The following OR10H1 variants were observed in gnomAD, a reference collection of about 807,000 sequenced individuals.
OR10H1 encodes olfactory receptor 10H1.
A neutral mutation model predicts 13.1 loss-of-function variants in OR10H1; 12 were observed. The observed-to-expected ratio is 0.92, with a 90% CI of 0.59 to 1.48. The LOEUF is 1.48. Ranked by LOEUF, OR10H1 falls within the 40% of genes most tolerant of loss-of-function variation. The probability of loss-of-function intolerance (pLI) is 0.00; values close to 1 mark genes in which losing one functional copy is unlikely to be tolerated. For synonymous variants in OR10H1, 168 were observed against 175.6 expected (o/e 0.96, Z 0.34); for missense variants, 363 against 413.1 (o/e 0.88, Z 1.05).
In OR10H1 at chr19:15,807,556, G is replaced by A. The variant is rs1033697254; in HGVS notation, c.482C>T (p.Ser161Leu). The A allele has an allele frequency of 2.5e-6, 4 of 1,614,200 alleles. No homozygotes were observed. Among genetic ancestry groups the A allele is most frequent in the East Asian group, 2.2e-5 (1 of 44,878 alleles). The change falls in exon 4 of 4, where the codon TCG becomes TTG. Residue 161 changes from serine to leucine, a missense_variant. Around this residue, in one of 3 missense-constraint regions of OR10H1, gnomAD observed 318 missense variants for 366.6 expected, o/e 0.87. Coordinates refer to ENST00000641419, the MANE Select transcript of OR10H1 (RefSeq NM_013940.4). ...GGLVMGMVVT[S>L]AIFHLAFCGH... The stretch of plus-strand genomic sequence containing the variant: ...ACAGAAGGCGAGGTGGAAAATGGCC[G>A]AGGTCACCACCATCCCCATGACCAA...
rs13382099 is a variant in OR10H1, at chr19:15,806,885, C to T, written c.*196G>A. ...AGGGTTACAGGCATGTGCCAACATG[C>T]CTGGCTAATTTTTGTATTTTTAGTA... On this transcript the variant is annotated 3_prime_UTR_variant, in exon 4 of 4. Transcript: ENST00000641419. 1.7e-3 allele frequency: 935 copies of T among 560,996 alleles called. 4 individuals carry two copies. The highest frequency in any genetic ancestry group is 0.016 in the African/African-American group (846 of 53,076). 34.8% of individuals were successfully genotyped at this position (560,996 alleles called of 1,614,324 possible).
At chr19:15,808,428 C>G (rs137874793) in intron 3 of OR10H1, among the ~76,000 whole-genome samples, 166 of 152,280 alleles carry the variant, frequency 1.1e-3, no homozygotes, top group African/African-American at 3.7e-3. Context: ...TGGTTCACAT[C>G]TGTAATCCCA....
rs1313655798 is a variant in OR10H1 at position 15,807,707 on chromosome 19, G to A, written c.331C>T (p.His111Tyr). ...MFFSFSFGFT[H>Y]SFLLTVMGYD... ...CCCATGACGGTGAGCAGGAAGGAGT[G>A]GGTGAAGCCGAAGCTGAAGGAGAAG... Residue 111 changes from histidine (H) to tyrosine (Y), a missense_variant, in exon 4 of 4, where the codon CAC becomes TAC. Physicochemically the swap from His to Tyr is moderately conservative, Grantham distance 83. Coordinates refer to ENST00000641419, the MANE Select transcript of OR10H1 (RefSeq NM_013940.4). 6.2e-7 allele frequency: 1 copy of A among 1,613,840 alleles called. No homozygotes were observed. Among genetic ancestry groups the A allele is most frequent in the African/African-American group, 1.3e-5 (1 of 74,920 alleles).
In OR10H1 at chr19:15,806,288, C is replaced by T. The variant is rs1461550162; in HGVS notation, c.*793G>A. ...TGTTAGTATCTCACACACACTTCCACTCCAAATACATCCCTGATGCTGATT... is the reference window on the plus strand; with the variant it reads ...TGTTAGTATCTCACACACACTTCCATTCCAAATACATCCCTGATGCTGATT... On this transcript the variant is annotated 3_prime_UTR_variant, in exon 4 of 4. Transcript: ENST00000641419. 2 of 152,218 alleles carry T rather than the reference C, an allele frequency of 1.3e-5. No individual in the cohort carries two copies. The highest frequency in any genetic ancestry group is 4.8e-5 in the African/African-American group (2 of 41,438). The allele number at this position is 152,218 out of a possible 1,614,324, so 9.4% of individuals were successfully genotyped here. A position where few individuals can be genotyped will look rare whatever the true frequency, so the allele number is the denominator to read the frequency against.
intron 2 of OR10H1, among the ~76,000 whole-genome samples, chr19:15,809,908 T>C (rs994972788): frequency 1.3e-5 from 2 of 152,050 alleles, no homozygotes; most frequent in African/African-American, 4.8e-5. Flanking sequence ...CTTCGGCTCC[T>C]GGGCTTAAGC....
chr19:15,813,516 CAGAG>C (rs146495989), intron 1 of OR10H1, among the ~76,000 whole-genome samples: 2 of 119,410 alleles, frequency 1.7e-5, no homozygotes, highest in Admixed American at 1.6e-4. Flanking sequence ...GAGGGAGAAA[CAGAG>C]AGAGAGAGGT....
chr19:15,813,771 G>A (rs188382622), intron 1 of OR10H1, among the ~76,000 whole-genome samples: 2 of 149,426 alleles, frequency 1.3e-5, no homozygotes, highest in African/African-American at 4.9e-5. Context: ...GAGGTGGGGA[G>A]AGAGAGGGTT....
In OR10H1 at chr19:15,807,972, G is replaced by T. The variant is rs2088912592; in HGVS notation, c.66C>A (p.His22Gln). The T allele has an allele frequency of 6.2e-7, 1 of 1,614,076 alleles. No homozygotes were observed. The highest frequency in any genetic ancestry group is 8.5e-7 in the Non-Finnish European group (1 of 1,180,030). The change falls in exon 4 of 4, where the codon CAC (histidine) becomes CAA (glutamine). Residue 22 changes from histidine to glutamine, a missense_variant. By Grantham distance (24) the His-to-Gln change is conservative. Around this residue, in one of 3 missense-constraint regions of OR10H1, gnomAD observed 318 missense variants for 366.6 expected, o/e 0.87. Coordinates refer to ENST00000641419, the MANE Select transcript of OR10H1 (RefSeq NM_013940.4). ...FILVGFSVFP[H>Q]LQLMLFLLFL... ...ACAGCAGGAAGAGCATCAGCTGGAG[G>T]TGGGGGAAGACAGAGAAGCCGACGA...
rs773212028 is a variant in OR10H1 at position 15,807,302 on chromosome 19, G to A, written c.736C>T (p.Leu246Phe). ...NKAFSTCASHLTVVVVHYGFA... is the reference protein window; with the variant it reads ...NKAFSTCASHFTVVVVHYGFA... ...CCATAGTGCACGACCACCACAGTGAGGTGAGAGGCACAGGTGGAGAAGGCC... is the reference window on the plus strand; with the variant it reads ...CCATAGTGCACGACCACCACAGTGAAGTGAGAGGCACAGGTGGAGAAGGCC... The change falls in exon 4 of 4, where the codon CTC (leucine) becomes TTC (phenylalanine). Residue 246 changes from leucine to phenylalanine, a missense_variant. Physicochemically the swap from Leu to Phe is conservative, Grantham distance 22. Coordinates refer to ENST00000641419, the MANE Select transcript of OR10H1 (RefSeq NM_013940.4). 21 of 1,614,032 alleles carry A rather than the reference G, an allele frequency of 1.3e-5. No individual in the cohort carries two copies. In the Middle Eastern group the frequency reaches 4.9e-4, roughly 38 times the overall value.
At position 15,807,430 on chromosome 19, in the gene OR10H1, A is replaced by G. The variant is rs1305599767; in HGVS notation, c.608T>C (p.Val203Ala). 1.2e-6 allele frequency: 2 copies of G among 1,614,214 alleles called. No individual in the cohort carries two copies. The highest frequency in any genetic ancestry group is 1.7e-6 in the Non-Finnish European group (2 of 1,180,046). ...VLVVAKGVGL[V>A]CITALLGCFL... ...ACAGCCCAGCAGGGCCGTGATACAC[A>G]CCAAGCCCACGCCTTTGGCCACCAC... is the stretch of plus-strand genomic sequence containing the variant. The change falls in exon 4 of 4, where the codon GTG (valine) becomes GCG (alanine). Residue 203 changes from valine to alanine, a missense_variant. Physicochemically the swap from Val to Ala is moderately conservative, Grantham distance 64. Transcript: ENST00000641419.
At position 15,806,455 on chromosome 19, in the gene OR10H1, G is replaced by T. The variant is rs1199573759; in HGVS notation, c.*626C>A. On this transcript the variant is annotated 3_prime_UTR_variant, in exon 4 of 4. Transcript: ENST00000641419. ...GGGTCTCACTCTGTCATCCATGCTA[G>T]ACTGCAGTGGCACAGTCATAGTTCA... 2 of 153,118 alleles carry T rather than the reference G, an allele frequency of 1.3e-5. No individual in the cohort carries two copies. The highest frequency in any genetic ancestry group is 4.8e-5 in the African/African-American group (2 of 41,454). 9.5% of individuals were successfully genotyped at this position (153,118 alleles called of 1,614,324 possible).
chr19:15,807,093 A>AT lies in OR10H1; in HGVS notation c.944dup (p.Asn315LysfsTer22), dbSNP rs2091718084. ...CAGTGAATTTCTCCTACATCATTACATTTTTTTCTGGGTAGAGTTTACTGA... is the reference window on the plus strand; with the variant it reads ...CAGTGAATTTCTCCTACATCATTACATTTTTTTTCTGGGTAGAGTTTACTGA... On this transcript the variant is annotated frameshift_variant, in exon 4 of 4. Transcript: ENST00000641419. LOFTEE classifies it high-confidence loss of function. The AT allele has an allele frequency of 2.5e-6, 4 of 1,609,792 alleles. No homozygotes were observed. The highest frequency in any genetic ancestry group is 3.4e-6 in the Non-Finnish European group (4 of 1,178,438).
At chr19:15,808,096 G>A (rs2088913873) in intron 3 of OR10H1, 48 bp from the exon 4 acceptor site, 1 of 1,487,392 alleles carries the variant, frequency 6.7e-7, no homozygotes, top group Non-Finnish European at 9.2e-7. Context: ...ATGAAGAAAA[G>A]TTCTCAGCCT....
chr19:15,814,506 A>T (rs1030831776), intron 1 of OR10H1, among the ~76,000 whole-genome samples: 69 of 127,884 alleles, frequency 5.4e-4, no homozygotes, highest in South Asian at 1.2e-3. Context: ...AGAGAGAGAG[A>T]GAGAGAGAGA....
At chr19:15,813,021 C>G (rs1014882549) in intron 1 of OR10H1, 143 bp from the exon 2 acceptor site, 2 of 151,952 alleles carry the variant, frequency 1.3e-5, no homozygotes, top group Non-Finnish European at 2.9e-5. Context: ...ATGGTAGATA[C>G]AGGACATTGT....
chr19:15,814,801 G>A (rs1201755979), intron 1 of OR10H1, among the ~76,000 whole-genome samples: 2 of 151,950 alleles, frequency 1.3e-5, no homozygotes, highest in East Asian at 1.9e-4. Context: ...CACTGCACCC[G>A]GCCCACCCTG....
intron 3 of OR10H1, 117 bp from the exon 4 acceptor site, chr19:15,808,165 C>T: frequency 1.3e-6 from 1 of 763,710 alleles, no homozygotes; most frequent in Non-Finnish European, 2.2e-6. Context: ...GTTCCATTCC[C>T]ACTCTGTACC....
rs1184005122 is a variant in OR10H1 at position 15,805,346 on chromosome 19, A to G, written c.*1735T>C. 1 of 152,154 alleles carries G rather than the reference A, an allele frequency of 6.6e-6. No individual in the cohort carries two copies. The highest frequency in any genetic ancestry group is 1.5e-5 in the Non-Finnish European group (1 of 68,040). The allele number at this position is 152,154 out of a possible 1,614,324, so 9.4% of individuals were successfully genotyped here. On this transcript the variant is annotated 3_prime_UTR_variant, in exon 4 of 4. Coordinates refer to ENST00000641419, the MANE Select transcript of OR10H1 (RefSeq NM_013940.4). ...GAAAAAAATGATGCATAGCTCAAAC[A>G]CAGGAAGACCTATTGTCAATAAATA...
intron 3 of OR10H1, 28 bp from the exon 4 acceptor site, chr19:15,808,076 C>G: frequency 6.4e-7 from 1 of 1,554,054 alleles, no homozygotes; most frequent in Non-Finnish European, 8.8e-7. Context: ...AGGGAGATGT[C>G]AGTTACTGCA....
Sources: gnomAD v4.1 joint callset for allele counts (sites outside exome capture counted in the v4.1 genomes callset) on GRCh38, gnomAD v4.1.1 for gene constraint, gnomAD v4.1.1 regional missense constraint, MANE v1.5 for transcripts, NCBI Gene and HGNC (gene_info 2026-07-23, HGNC 2026-07-21) for gene names.